The following ANAPC7 variants were observed in gnomAD, a reference collection of about 807,000 sequenced individuals.
The protein encoded by ANAPC7 is anaphase-promoting complex subunit 7.
A neutral mutation model predicts 63.3 loss-of-function variants in ANAPC7; 25 were observed. The observed-to-expected ratio is 0.39, with a 90% CI of 0.29 to 0.55. The LOEUF (loss-of-function observed/expected upper bound fraction) is 0.55. Ranked by LOEUF, ANAPC7 falls within the 20% of genes least tolerant of loss-of-function variation. ANAPC7 has a pLI of 0.57. For missense variants in ANAPC7, 516 were observed against 691.7 expected, an observed-to-expected ratio of 0.75 and a Z score of 2.85; for synonymous variants, 241 against 251.7, an observed-to-expected ratio of 0.96 and a Z score of 0.40.
rs1351434158 is a variant in ANAPC7, at chr12:110,381,770, G to A, written c.1114C>T (p.Arg372Cys). The A allele has an allele frequency of 9.3e-6, 15 of 1,613,292 alleles. No homozygotes were observed. The highest frequency in any genetic ancestry group is 2.2e-5 in the East Asian group (1 of 44,894). ...FREAIRLAPC[R>C]LDCYEGLIEC... is the part of the protein sequence containing the mutation. Reference sequence around the variant, plus strand: ...TTCTTACCTTCATAACAATCTAAGCGACAAGGTGCGAGCCGTATGGCCTCC... The same window carrying A: ...TTCTTACCTTCATAACAATCTAAGCAACAAGGTGCGAGCCGTATGGCCTCC... Residue 372 changes from arginine to cysteine, a missense_variant, in exon 8 of 11, where the codon CGC becomes TGC. Physicochemically the swap from Arg to Cys is radical, Grantham distance 180. Around this residue, in one of 4 missense-constraint regions of ANAPC7, gnomAD observed 199 missense variants for 249.3 expected, o/e 0.80. Coordinates refer to ENST00000455511, the MANE Select transcript of ANAPC7 (RefSeq NM_016238.3).
intron 6 of ANAPC7, among the ~76,000 whole-genome samples, chr12:110,384,873 T>C (rs1592906852): frequency 6.6e-6 from 1 of 152,116 alleles, no homozygotes; most frequent in Non-Finnish European, 1.5e-5. Flanking sequence ...TTCTAGACCA[T>C]CAGAAATACA....
Position 110,382,454 on chromosome 12 carries a change from AAAAAAAAATAT to A in ANAPC7, c.935+378_935+388del, listed in dbSNP as rs1426392790. Among the ~76,000 whole-genome samples the A allele has an allele frequency of 5.6e-4, 52 of 93,636 alleles. 1 individual carries two copies. The highest frequency in any genetic ancestry group is 9.7e-4 in the African/African-American group (23 of 23,822). The allele number at this position is 93,636 out of a possible 152,430, so 61.4% of individuals were successfully genotyped here. On this transcript the variant is annotated intron_variant, in intron 7 of 10. Coordinates refer to ENST00000455511, the MANE Select transcript of ANAPC7 (RefSeq NM_016238.3). ...TGATTATCCTTTTAAAAAAAAAAAA[AAAAAAAAATAT>A]ATATATATATATATATATATATATA... is the stretch of plus-strand genomic sequence containing the variant.
intron 8 of ANAPC7, among the ~76,000 whole-genome samples, chr12:110,379,499 A>T (rs1881618096): frequency 6.6e-6 from 1 of 152,248 alleles, no homozygotes; most frequent in African/African-American, 2.4e-5. Flanking sequence ...CATGCAGTAT[A>T]ATGGAATTAA....
At position 110,395,103 on chromosome 12, in the gene ANAPC7, T is replaced by C; in HGVS notation, c.406A>G (p.Lys136Glu). 6.2e-7 allele frequency: 1 copy of C among 1,612,078 alleles called. No homozygotes were observed. Among genetic ancestry groups the C allele is most frequent in the Non-Finnish European group, 8.5e-7 (1 of 1,179,300 alleles). The change falls in exon 3 of 11, where the codon AAA (lysine) becomes GAA (glutamate). Residue 136 changes from lysine (K) to glutamate (E), a missense_variant and splice_region_variant. Physicochemically the swap from Lys to Glu is moderately conservative, Grantham distance 56. Coordinates refer to ENST00000455511, the MANE Select transcript of ANAPC7 (RefSeq NM_016238.3). ...DGIPSRQRTP[K>E]INMMLANLYK... Reference sequence around the variant, plus strand: ...AAACACATAAACATTCAACTTACTTTGGGAGTTCTTTGTCTTGAAGGGATC... The same window carrying C: ...AAACACATAAACATTCAACTTACTTCGGGAGTTCTTTGTCTTGAAGGGATC...
chr12:110,378,941 C>T (rs977146685), intron 8 of ANAPC7: 5 of 151,800 alleles, frequency 3.3e-5, no homozygotes, highest in African/African-American at 1.2e-4. Flanking sequence ...TCACTGCAAC[C>T]CATGTCTCCT....
Position 110,397,572 on chromosome 12 carries a change from AC to A in ANAPC7, c.102-1121del, listed in dbSNP as rs201397523. On this transcript the variant is annotated intron_variant, in intron 1 of 10. Transcript: ENST00000455511. The stretch of plus-strand genomic sequence containing the variant: ...GATCTCGTCTCAAAAAAAAAAAAAA[AC>A]ACTAAAAACTAAAGAAAATGCCACT... Among the ~76,000 whole-genome samples the A allele has an allele frequency of 6.2e-4, 93 of 150,968 alleles. 1 individual carries two copies. The highest frequency in any genetic ancestry group is 2.1e-3 in the African/African-American group (88 of 40,992).
chr12:110,395,829 C>T (rs1263456284), intron 2 of ANAPC7, among the ~76,000 whole-genome samples: 2 of 152,110 alleles, frequency 1.3e-5, no homozygotes, highest in East Asian at 1.9e-4. Context: ...TGAGCCACTG[C>T]GCCCAGCTTC....
At chr12:110,377,344 G>A in intron 9 of ANAPC7, 49 bp downstream of exon 9, 3 of 1,547,862 alleles carry the variant, frequency 1.9e-6, no homozygotes, top group Non-Finnish European at 2.7e-6. Flanking sequence ...CTGAGGTCAG[G>A]TTTTATAAAA....
rs376157991 is a variant in ANAPC7, at chr12:110,395,113, T to C, written c.396A>G (p.Gln132=). 1 of 1,612,670 alleles carries C rather than the reference T, an allele frequency of 6.2e-7. No individual in the cohort carries two copies. Among genetic ancestry groups the C allele is most frequent in the Non-Finnish European group, 8.5e-7 (1 of 1,179,476 alleles). ...IAILDGIPSR[Q]RTPKINMMLA... is the part of the protein sequence containing the mutation. ...ACATTCAACTTACTTTGGGAGTTCT[T>C]TGTCTTGAAGGGATCCCATCAAGTA... The change falls in exon 3 of 11, where the codon CAA becomes CAG. Residue 132 remains glutamine (Q), a synonymous_variant. Transcript: ENST00000455511.
At chr12:110,394,212 T>C (rs1274510795) in intron 3 of ANAPC7, among the ~76,000 whole-genome samples, 1 of 150,638 alleles carries the variant, frequency 6.6e-6, no homozygotes, top group Non-Finnish European at 1.5e-5. Flanking sequence ...AAAAATAGGC[T>C]TGGAGTGGCA....
intron 3 of ANAPC7, among the ~76,000 whole-genome samples, chr12:110,389,342 G>C (rs1039522007): frequency 1.3e-5 from 2 of 152,190 alleles, no homozygotes; most frequent in African/African-American, 4.8e-5. Context: ...GACATAGCTA[G>C]TTAAGAAGGA....
Position 110,403,666 on chromosome 12 carries a change from A to G in ANAPC7, c.-39T>C. 1.3e-6 allele frequency: 2 copies of G among 1,563,622 alleles called. No homozygotes were observed. The highest frequency in any genetic ancestry group is 1.7e-6 in the Non-Finnish European group (2 of 1,153,376). ...GCCGCGGGCAGCGGCGGCAGCACTG[A>G]CTCGAAAAGCCGGTAGAGGATCCTT... On this transcript the variant is annotated 5_prime_UTR_variant, in exon 1 of 11. Transcript: ENST00000455511.
At chr12:110,375,589 G>C (rs1881191048) in intron 10 of ANAPC7, 1 of 764,482 alleles carries the variant, frequency 1.3e-6, no homozygotes, top group Non-Finnish European at 1.6e-6. Context: ...TATCTAATAA[G>C]GTAGCTAGAT....
intron 3 of ANAPC7, among the ~76,000 whole-genome samples, chr12:110,392,922 A>G (rs957425902): frequency 3.3e-5 from 5 of 152,146 alleles, no homozygotes; most frequent in Non-Finnish European, 7.4e-5. Flanking sequence ...CAGCCTCCAG[A>G]GTAGCTGAGA....
rs998932988 is a variant in ANAPC7 at position 110,403,385 on chromosome 12, C to T, written c.101+142G>A. 7 of 883,906 alleles carry T rather than the reference C, an allele frequency of 7.9e-6. No individual in the cohort carries two copies. In the African/African-American group the frequency reaches 1.0e-4, roughly 13 times the overall value. The allele number at this position is 883,906 out of a possible 1,614,324, so 54.8% of individuals were successfully genotyped here. On this transcript the variant is annotated intron_variant, in intron 1 of 10. Transcript: ENST00000455511. ...CTTGCGCTCCGAAGTCTGCTCCGCT[C>T]CAGGACGCCCTCGCAGACCCCGGAG...
At chr12:110,387,255 C>CAGAGAGACAGAGAGAGAGAG in intron 5 of ANAPC7, 1 of 40,238 alleles carries the variant, frequency 2.5e-5, no homozygotes, top group Non-Finnish European at 4.5e-5. Flanking sequence ...GACAGAGAGA[C>CAGAGAGACAGAGAGAGAGAG]AGAGAGAGAG....
Position 110,377,405 on chromosome 12 carries a change from CT to C in ANAPC7, c.1344del (p.Ala449GlnfsTer17). 1 of 1,613,526 alleles carries C rather than the reference CT, an allele frequency of 6.2e-7. No individual in the cohort carries two copies. The highest frequency in any genetic ancestry group is 8.5e-7 in the Non-Finnish European group (1 of 1,179,620). ...AAGACACACTTACTAAGTAGTTCTGCTTTTTTCACCACAGCCTTAATGTAAT... is the reference window on the plus strand; with the variant it reads ...AAGACACACTTACTAAGTAGTTCTGCTTTTTCACCACAGCCTTAATGTAAT... ...RPDYIKAVVKKAELLSREQKY... is the reference protein window; with the variant it reads ...RPDYIKAVVKXAELLSREQKY... On this transcript the variant is annotated frameshift_variant, in exon 9 of 11. Coordinates refer to ENST00000455511, the MANE Select transcript of ANAPC7 (RefSeq NM_016238.3). LOFTEE classifies it high-confidence loss of function.
chr12:110,397,339 G>A (rs1173521912), intron 1 of ANAPC7, among the ~76,000 whole-genome samples: 1 of 151,772 alleles, frequency 6.6e-6, no homozygotes, highest in Non-Finnish European at 1.5e-5. Context: ...CAGATCACAA[G>A]ATCACAAGAT....
At chr12:110,382,464 A>ATATATATATATG (rs1566264392) in intron 7 of ANAPC7, among the ~76,000 whole-genome samples, 3 of 80,712 alleles carry the variant, frequency 3.7e-5, no homozygotes, top group African/African-American at 1.4e-4. Context: ...AAAAAAAAAT[A>ATATATATATATG]TATATATATA....
Sources: gnomAD v4.1 joint callset for allele counts (sites outside exome capture counted in the v4.1 genomes callset) on GRCh38, gnomAD v4.1.1 for gene constraint, gnomAD v4.1.1 regional missense constraint, MANE v1.5 for transcripts, NCBI Gene and HGNC (gene_info 2026-07-23, HGNC 2026-07-21) for gene names.